Variants in PCDH15 observed in about 807,000 individuals in gnomAD.
The protein encoded by PCDH15 is protocadherin-15.
Under a neutral mutation model 178.5 loss-of-function variants are expected in PCDH15, and 129 were observed. That is an observed-to-expected ratio of 0.72 (90% CI 0.63 to 0.84). PCDH15 has a LOEUF of 0.84. Ranked by LOEUF, PCDH15 falls within the 40% of genes least tolerant of loss-of-function variation. The pLI, the probability that PCDH15 is intolerant of heterozygous loss-of-function variation, is 0.00. For synonymous variants in PCDH15, 800 were observed against 732.0 expected, an observed-to-expected ratio of 1.09 and a Z score of -1.50; for missense variants, 2,230 against 2,099.9, an observed-to-expected ratio of 1.06 and a Z score of -1.21.
At chr10:55,541,230 T>C (rs780802974) in intron 2 of PCDH15, among the ~76,000 whole-genome samples, 34 of 152,044 alleles carry the variant, frequency 2.2e-4, no homozygotes, top group Admixed American at 7.9e-4. Flanking sequence ...CCCCTGCTGT[T>C]CTAATCAATA....
At chr10:55,597,223 T>A (rs1842953647) in intron 2 of PCDH15, 1 of 152,170 alleles carries the variant, frequency 6.6e-6, no homozygotes, top group African/African-American at 2.4e-5. Flanking sequence ...TTGAAGGGCA[T>A]AACAATCAAT....
chr10:54,308,965 T>C (rs762339952), intron 8 of PCDH15, among the ~76,000 whole-genome samples: 115 of 152,220 alleles, frequency 7.6e-4, no homozygotes, highest in Non-Finnish European at 1.0e-3. Context: ...CATTTGTTTC[T>C]TCAAAATATT....
intron 5 of PCDH15, among the ~76,000 whole-genome samples, chr10:54,357,916 G>T (rs1218809965): frequency 6.6e-6 from 1 of 151,948 alleles, no homozygotes; most frequent in Non-Finnish European, 1.5e-5. Flanking sequence ...AATGGGGAAA[G>T]GATTCCCTAT....
intron 1 of PCDH15, among the ~76,000 whole-genome samples, chr10:54,722,366 A>AT (rs931330070): frequency 2.0e-5 from 3 of 151,820 alleles, no homozygotes; most frequent in African/African-American, 7.2e-5. Flanking sequence ...TTGTAATGTC[A>AT]TTTTTACCAT....
At chr10:53,809,606 G>T (rs918389913) in intron 37 of PCDH15, 1 of 1,498,578 alleles carries the variant, frequency 6.7e-7, no homozygotes, top group African/African-American at 1.4e-5. Context: ...GTATGACCTT[G>T]TCCCACGAAA....
intron 7 of PCDH15, among the ~76,000 whole-genome samples, chr10:54,326,515 G>C (rs1243421361): frequency 6.6e-6 from 1 of 152,046 alleles, no homozygotes; most frequent in African/African-American, 2.4e-5. Context: ...TATATTTCAA[G>C]CATTAGTCTA....
intron 2 of PCDH15, chr10:55,599,288 G>A (rs1843012365): frequency 6.6e-6 from 1 of 152,186 alleles, no homozygotes; most frequent in African/African-American, 2.4e-5. Flanking sequence ...GCTGGTGATA[G>A]CTGATTGTCC....
chr10:54,542,653 T>G (rs1394445193), intron 2 of PCDH15, among the ~76,000 whole-genome samples: 1 of 152,196 alleles, frequency 6.6e-6, no homozygotes, highest in Non-Finnish European at 1.5e-5. Flanking sequence ...TACAGAGGAA[T>G]GTTTCATATA....
At chr10:54,285,534 C>T (rs1278551120) in intron 8 of PCDH15, among the ~76,000 whole-genome samples, 1 of 152,034 alleles carries the variant, frequency 6.6e-6, no homozygotes, top group African/African-American at 2.4e-5. Flanking sequence ...ATCATCTCAT[C>T]CCAATTCGAA....
At chr10:54,609,220 A>T (rs1440888765) in intron 2 of PCDH15, among the ~76,000 whole-genome samples, 1 of 152,076 alleles carries the variant, frequency 6.6e-6, no homozygotes. Context: ...CTGAAGGCAG[A>T]TATTCATTAT....
intron 8 of PCDH15, among the ~76,000 whole-genome samples, chr10:54,290,763 A>C (rs1591616031): frequency 2.6e-5 from 4 of 152,350 alleles, no homozygotes; most frequent in Admixed American, 2.6e-4. Context: ...CTGATAAAAC[A>C]GATTTTAAAC....
chr10:54,240,253 G>C (rs1027040667), intron 8 of PCDH15, among the ~76,000 whole-genome samples: 1 of 150,338 alleles, frequency 6.7e-6, no homozygotes. Flanking sequence ...TAATATGTAC[G>C]TATTCAGTTC....
intron 11 of PCDH15, among the ~76,000 whole-genome samples, chr10:54,192,778 G>A (rs1324455113): frequency 6.6e-6 from 1 of 152,088 alleles, no homozygotes; most frequent in Non-Finnish European, 1.5e-5. Context: ...ATAAACAAAT[G>A]ATCAGTTTTG....
At chr10:54,641,727 C>T (rs1279765354) in intron 2 of PCDH15, among the ~76,000 whole-genome samples, 2 of 43,404 alleles carry the variant, frequency 4.6e-5, no homozygotes, top group East Asian at 5.5e-4. Context: ...GACTATATTG[C>T]TAACTGTTTA....
At chr10:55,494,289 T>C (rs1840485962) in intron 2 of PCDH15, among the ~76,000 whole-genome samples, 1 of 151,766 alleles carries the variant, frequency 6.6e-6, no homozygotes, top group African/African-American at 2.4e-5. Flanking sequence ...ATAGCCACTT[T>C]AGCTCCTTTA....
chr10:54,207,318 A>T (rs1591171231), intron 10 of PCDH15, among the ~76,000 whole-genome samples: 1 of 152,168 alleles, frequency 6.6e-6, no homozygotes, highest in Admixed American at 6.6e-5. Flanking sequence ...GTGGAAAATA[A>T]AAACACACGG....
At chr10:53,931,644 A>T (rs2257054) in intron 25 of PCDH15, among the ~76,000 whole-genome samples, 7,121 of 152,202 alleles carry the variant, frequency 0.047, 515 homozygotes, top group African/African-American at 0.16. Context: ...CTATCTCTTT[A>T]ATCCTGCTAA....
intron 1 of PCDH15, among the ~76,000 whole-genome samples, chr10:54,686,754 T>C (rs79113280): frequency 0.08 from 12,181 of 152,172 alleles, 540 homozygotes; most frequent in South Asian, 0.14. Context: ...TCCAGTATTC[T>C]ATATGTCTGT....
At chr10:54,990,590 T>C (rs1015810952) in intron 2 of PCDH15, among the ~76,000 whole-genome samples, 4 of 152,210 alleles carry the variant, frequency 2.6e-5, no homozygotes, top group Admixed American at 6.5e-5. Flanking sequence ...CCAGTGTTGT[T>C]TGTGCAGAGA....
Sources: gnomAD v4.1 joint callset for allele counts (sites outside exome capture counted in the v4.1 genomes callset) on GRCh38, gnomAD v4.1.1 for gene constraint, MANE v1.5 for transcripts, NCBI Gene and HGNC (gene_info 2026-07-23, HGNC 2026-07-21) for gene names.